The following MTF2 variants were observed in gnomAD, a reference collection of about 807,000 sequenced individuals.
MTF2 encodes metal-response element-binding transcription factor 2.
Under a neutral mutation model 79.5 loss-of-function variants are expected in MTF2, and 11 were observed. The observed-to-expected ratio is 0.14, with a 90% confidence interval of 0.09 to 0.23. The LOEUF is 0.23. Among genes scored for constraint, MTF2 ranks in the 10% least tolerant of loss-of-function variants. MTF2 has a pLI of 1.00. For missense variants in MTF2, 486 were observed against 711.2 expected, an observed-to-expected ratio of 0.68 and a Z score of 3.60; for synonymous variants, 208 against 232.8, an observed-to-expected ratio of 0.89 and a Z score of 0.97.
intron 10 of MTF2, 152 bp from the exon 11 acceptor site, chr1:93,129,126 G>A (rs183069406): frequency 4.7e-5 from 22 of 470,256 alleles, no homozygotes; most frequent in African/African-American, 4.2e-4. Flanking sequence ...CTCTGGGGCA[G>A]ATAAAAATCA....
At chr1:93,119,060 T>C (rs1428130657) in intron 7 of MTF2, among the ~76,000 whole-genome samples, 2 of 152,254 alleles carry the variant, frequency 1.3e-5, no homozygotes, top group African/African-American at 4.8e-5. Flanking sequence ...ATTAGTAAAC[T>C]ATAAGTACGT....
At chr1:93,099,601 T>C (rs1266287979) in intron 1 of MTF2, among the ~76,000 whole-genome samples, 1 of 152,130 alleles carries the variant, frequency 6.6e-6, no homozygotes, top group Admixed American at 6.5e-5. Context: ...TATTGGTCAA[T>C]TGTGAGGGTG....
At chr1:93,125,302 GTT>G (rs747981072) in intron 9 of MTF2, among the ~76,000 whole-genome samples, 5 of 75,538 alleles carry the variant, frequency 6.6e-5, no homozygotes, top group Non-Finnish European at 6.9e-5. Context: ...GTTTGTCAGT[GTT>G]TTTTTTTTTT....
intron 3 of MTF2, 36 bp downstream of exon 3, chr1:93,110,662 T>C: frequency 1.3e-6 from 2 of 1,515,476 alleles, no homozygotes; most frequent in Non-Finnish European, 1.8e-6. Context: ...ATGATTTAAA[T>C]TAAAATTTGA....
intron 1 of MTF2, among the ~76,000 whole-genome samples, chr1:93,092,561 A>T (rs1184342525): frequency 6.6e-6 from 1 of 152,218 alleles, no homozygotes; most frequent in Non-Finnish European, 1.5e-5. Flanking sequence ...TAAATAAAAT[A>T]GCACTGCATT....
intron 11 of MTF2, among the ~76,000 whole-genome samples, chr1:93,132,313 C>T (rs1379347334): frequency 6.6e-6 from 1 of 152,100 alleles, no homozygotes; most frequent in African/African-American, 2.4e-5. Flanking sequence ...TTTTGTCACT[C>T]AGATCCTTTG....
At chr1:93,133,329 G>A (rs1445120701) in intron 11 of MTF2, among the ~76,000 whole-genome samples, 1 of 152,082 alleles carries the variant, frequency 6.6e-6, no homozygotes, top group Admixed American at 6.5e-5. Context: ...CATCCTCCAA[G>A]TTGTAACCAC....
At chr1:93,121,206 A>G (rs913441851) in intron 9 of MTF2, 3 of 975,376 alleles carry the variant, frequency 3.1e-6, no homozygotes, top group African/African-American at 1.8e-5. Flanking sequence ...TCATTTTTGA[A>G]GTGTAACTAC....
chr1:93,105,687 T>G (rs946358671), intron 1 of MTF2, among the ~76,000 whole-genome samples: 3 of 152,032 alleles, frequency 2.0e-5, no homozygotes, highest in Non-Finnish European at 4.4e-5. Context: ...GTGTGTTTTT[T>G]TTTTGAGACC....
rs1647449880 is a variant in MTF2 at position 93,137,508 on chromosome 1, A to C, written c.*481A>C. On this transcript the variant is annotated 3_prime_UTR_variant, in exon 15 of 15. Coordinates refer to ENST00000370298, the MANE Select transcript of MTF2 (RefSeq NM_007358.4). ...ATATAATGCCTACTGAAAGACTGTA[A>C]AATATTGAAATTTTCTTTCAAGCAA... 1 of 153,414 alleles carries C rather than the reference A, an allele frequency of 6.5e-6. No homozygotes were observed. Among genetic ancestry groups the C allele is most frequent in the Non-Finnish European group, 1.5e-5 (1 of 68,608 alleles). 9.5% of individuals were successfully genotyped at this position (153,414 alleles called of 1,614,324 possible). A position where few individuals can be genotyped will look rare whatever the true frequency, so the allele number is the denominator to read the frequency against.
chr1:93,106,420 C>G (rs930080040), intron 1 of MTF2, among the ~76,000 whole-genome samples: 2 of 102,752 alleles, frequency 1.9e-5, no homozygotes, highest in Non-Finnish European at 3.9e-5. Context: ...CTACTGAGGT[C>G]ATTTTTCACC....
At chr1:93,136,437 G>A (rs1219982498) in intron 14 of MTF2, among the ~76,000 whole-genome samples, 4 of 152,150 alleles carry the variant, frequency 2.6e-5, no homozygotes, top group Non-Finnish European at 2.9e-5. Context: ...AAACTTACTA[G>A]TAGTTAAGGA....
intron 1 of MTF2, among the ~76,000 whole-genome samples, chr1:93,100,663 T>C (rs1331326900): frequency 6.6e-6 from 1 of 152,204 alleles, no homozygotes. Context: ...GCTTGCTTTA[T>C]GCTTTCTGTC....
intron 14 of MTF2, among the ~76,000 whole-genome samples, chr1:93,135,466 T>A (rs930314856): frequency 7.9e-5 from 12 of 152,250 alleles, no homozygotes; most frequent in Non-Finnish European, 1.6e-4. Flanking sequence ...GAATTCTGAA[T>A]AATCGACTTT....
At chr1:93,090,209 C>T (rs1335606022) in intron 1 of MTF2, among the ~76,000 whole-genome samples, 2 of 152,202 alleles carry the variant, frequency 1.3e-5, no homozygotes, top group African/African-American at 4.8e-5. Context: ...ATCTCCTGAC[C>T]TCGTGATCCA....
chr1:93,111,756 G>T (rs1330576359), intron 3 of MTF2, among the ~76,000 whole-genome samples: 1 of 152,066 alleles, frequency 6.6e-6, no homozygotes, highest in African/African-American at 2.4e-5. Context: ...GATTTAAAGG[G>T]ATAGGAGATC....
chr1:93,100,538 A>C (rs1450271256), intron 1 of MTF2, among the ~76,000 whole-genome samples: 1 of 152,016 alleles, frequency 6.6e-6, no homozygotes, highest in East Asian at 1.9e-4. Flanking sequence ...TGCTCTCCTG[A>C]CCTCATGATC....
Position 93,114,734 on chromosome 1 carries a change from G to A in MTF2, c.333G>A (p.Glu111=). 1 of 1,612,874 alleles carries A rather than the reference G, an allele frequency of 6.2e-7. No individual in the cohort carries two copies. The highest frequency in any genetic ancestry group is 8.5e-7 in the Non-Finnish European group (1 of 1,179,560). The change falls in exon 4 of 15, where the codon GAG becomes GAA. Residue 111 remains glutamate (E), a synonymous_variant. Transcript: ENST00000370298. The stretch of plus-strand genomic sequence containing the variant: ...TGGTCTGTACAATATGTCAAGAAGA[G>A]TATTCAGAAGCTCCCAATGAAATGG... The part of the protein sequence containing the change: ...GEMVCTICQE[E]YSEAPNEMVI...
At chr1:93,124,488 G>A (rs1365929353) in intron 9 of MTF2, among the ~76,000 whole-genome samples, 1 of 151,996 alleles carries the variant, frequency 6.6e-6, no homozygotes, top group Non-Finnish European at 1.5e-5. Flanking sequence ...AAACCCTGAG[G>A]TTGATACCAG....
Sources: allele counts gnomAD v4.1 joint callset (sites outside exome capture counted in the v4.1 genomes callset), GRCh38; gene constraint gnomAD v4.1.1; transcripts MANE v1.5; gene names NCBI Gene and HGNC (gene_info 2026-07-23, HGNC 2026-07-21).